Variants in PRTG observed in about 807,000 individuals in gnomAD.
PRTG encodes the protein protogenin.
A neutral mutation model predicts 122.5 loss-of-function variants in PRTG; 67 were observed. That is an observed-to-expected ratio of 0.55 (90% confidence interval 0.45 to 0.67). The LOEUF is 0.67. Ranked by LOEUF, PRTG falls within the 30% of genes least tolerant of loss-of-function variation. The pLI is 0.00. For missense variants in PRTG, 1,435 were observed against 1,415.4 expected, an observed-to-expected ratio of 1.01 and a Z score of -0.22; for synonymous variants, 554 against 501.1, an observed-to-expected ratio of 1.11 and a Z score of -1.41.
chr15:55,679,976 GAAGT>G (rs1392112085), intron 6 of PRTG, 74 bp downstream of exon 6: 11 of 1,147,348 alleles, frequency 9.6e-6, no homozygotes, highest in Middle Eastern at 2.0e-4. Context: ...GCTCAAGAAA[GAAGT>G]AAGCTATGAA....
chr15:55,695,726 C>CCCAG (rs1227651548), intron 2 of PRTG, among the ~76,000 whole-genome samples: 1 of 152,184 alleles, frequency 6.6e-6, no homozygotes, highest in African/African-American at 2.4e-5. Flanking sequence ...TGCCTATAAT[C>CCCAG]CCAGCACTTT....
At chr15:55,681,433 G>C (rs549541796) in intron 4 of PRTG, 2 of 151,980 alleles carry the variant, frequency 1.3e-5, no homozygotes, top group South Asian at 4.1e-4. Flanking sequence ...CTTAACCTTT[G>C]AAATAAAAAC....
At chr15:55,715,627 A>G (rs2030572104) in intron 2 of PRTG, among the ~76,000 whole-genome samples, 1 of 152,188 alleles carries the variant, frequency 6.6e-6, no homozygotes, top group Non-Finnish European at 1.5e-5. Flanking sequence ...TTGATTTGGG[A>G]TCACAACATC....
At chr15:55,684,655 A>G (rs1462967149) in intron 2 of PRTG, among the ~76,000 whole-genome samples, 1 of 151,972 alleles carries the variant, frequency 6.6e-6, no homozygotes, top group Non-Finnish European at 1.5e-5. Context: ...TCTCAAGTCA[A>G]AAGTCCAATA....
chr15:55,706,374 A>G (rs2030117096), intron 2 of PRTG, among the ~76,000 whole-genome samples: 1 of 151,958 alleles, frequency 6.6e-6, no homozygotes, highest in African/African-American at 2.4e-5. Flanking sequence ...AAGGTGGAAC[A>G]TGGGTAAAGG....
At position 55,656,860 on chromosome 15, in the gene PRTG, C is replaced by A. The variant is rs541041282; in HGVS notation, c.2041+15585G>T. ...TCTTTTTGTCTATATCAAGTTATAT[C>A]CATCTATCTATATACAAATGTTTAT... On this transcript the variant is annotated intron_variant, in intron 11 of 19. Coordinates refer to ENST00000389286, the MANE Select transcript of PRTG (RefSeq NM_173814.6). Among the ~76,000 whole-genome samples the A allele has an allele frequency of 2.6e-5, 4 of 152,284 alleles. No homozygotes were observed. In the South Asian group the frequency reaches 8.3e-4, roughly 32 times the overall value.
At chr15:55,649,759 T>C (rs1174713326) in intron 11 of PRTG, among the ~76,000 whole-genome samples, 1 of 151,868 alleles carries the variant, frequency 6.6e-6, no homozygotes, top group Non-Finnish European at 1.5e-5. Context: ...GTCACTGCAC[T>C]CCGGCCTGGG....
At chr15:55,627,645 T>C (rs2059203254) in intron 16 of PRTG, among the ~76,000 whole-genome samples, 1 of 152,064 alleles carries the variant, frequency 6.6e-6, no homozygotes, top group Admixed American at 6.5e-5. Flanking sequence ...CGGCCCAATA[T>C]TAAAGATTTT....
At chr15:55,687,960 C>T (rs2059579417) in intron 2 of PRTG, among the ~76,000 whole-genome samples, 1 of 152,196 alleles carries the variant, frequency 6.6e-6, no homozygotes, top group Non-Finnish European at 1.5e-5. Context: ...CAATCTCTTC[C>T]CTCCCCTCTG....
chr15:55,630,381 C>T (rs2059221233), intron 15 of PRTG, among the ~76,000 whole-genome samples: 1 of 152,110 alleles, frequency 6.6e-6, no homozygotes, highest in Non-Finnish European at 1.5e-5. Context: ...CCTCGGCCTC[C>T]CAAAGTACGA....
chr15:55,684,503 T>C (rs1595649348), intron 2 of PRTG, among the ~76,000 whole-genome samples: 1 of 152,148 alleles, frequency 6.6e-6, no homozygotes, highest in African/African-American at 2.4e-5. Context: ...TGCAAAATAT[T>C]TCAGATCAAG....
intron 2 of PRTG, among the ~76,000 whole-genome samples, chr15:55,726,712 C>A (rs2031044811): frequency 6.7e-6 from 1 of 149,384 alleles, no homozygotes; most frequent in African/African-American, 2.5e-5. Context: ...AAAACTTAAA[C>A]CAGAAGTAAA....
At chr15:55,712,635 T>C (rs1206358882) in intron 2 of PRTG, among the ~76,000 whole-genome samples, 1 of 152,198 alleles carries the variant, frequency 6.6e-6, no homozygotes, top group Non-Finnish European at 1.5e-5. Context: ...ATGAATCAAC[T>C]TAAAACAATT....
chr15:55,667,095 C>G (rs1024075475), intron 11 of PRTG, among the ~76,000 whole-genome samples: 9 of 151,828 alleles, frequency 5.9e-5, no homozygotes, highest in African/African-American at 9.7e-5. Flanking sequence ...GACTTAAAAT[C>G]TGGGCAATAT....
At chr15:55,691,092 C>T (rs1327384533) in intron 2 of PRTG, among the ~76,000 whole-genome samples, 2 of 151,860 alleles carry the variant, frequency 1.3e-5, no homozygotes, top group Non-Finnish European at 1.5e-5. Flanking sequence ...GTCAGGAGTT[C>T]GAGACCAACC....
chr15:55,639,998 C>G (rs192066134), intron 12 of PRTG, 170 bp from the exon 13 acceptor site: 4 of 977,700 alleles, frequency 4.1e-6, no homozygotes, highest in Admixed American at 6.2e-5. Context: ...ACAGCTCTTC[C>G]GTGAGTTATA....
intron 15 of PRTG, among the ~76,000 whole-genome samples, chr15:55,636,835 TG>T (rs1451502302): frequency 1.3e-5 from 2 of 152,170 alleles, no homozygotes; most frequent in African/African-American, 4.8e-5. Flanking sequence ...TTAGTAGAGA[TG>T]GGGTTTCACC....
At chr15:55,657,456 A>C (rs1007719669) in intron 11 of PRTG, among the ~76,000 whole-genome samples, 1 of 152,166 alleles carries the variant, frequency 6.6e-6, no homozygotes, top group Non-Finnish European at 1.5e-5. Context: ...GGTCAACCAA[A>C]ACTCTGTAAC....
chr15:55,720,267 T>C (rs781544347), intron 2 of PRTG, among the ~76,000 whole-genome samples: 1 of 148,776 alleles, frequency 6.7e-6, no homozygotes, highest in South Asian at 2.1e-4. Flanking sequence ...GCAGGGAGAA[T>C]TGCTTGAACC....
Sources: allele counts gnomAD v4.1 joint callset (sites outside exome capture counted in the v4.1 genomes callset), GRCh38; gene constraint gnomAD v4.1.1; transcripts MANE v1.5; gene names NCBI Gene and HGNC (gene_info 2026-07-23, HGNC 2026-07-21).